Variants in NCOA2 observed in about 807,000 individuals in gnomAD.
The protein encoded by NCOA2 is nuclear receptor coactivator 2.
In NCOA2, 21 loss-of-function variants were observed where a neutral mutation model predicts 145.1. The ratio of observed to expected loss-of-function variants is 0.14; its 90% CI spans 0.10 to 0.21. The LOEUF (loss-of-function observed/expected upper bound fraction) is 0.21, where lower values mean the gene tolerates loss of function less well. Ranked by LOEUF, NCOA2 falls within the 10% of genes least tolerant of loss-of-function variation. NCOA2 has a pLI of 1.00. For synonymous variants in NCOA2, 619 were observed against 637.5 expected (o/e 0.97, Z 0.44); for missense variants, 1,472 against 1,837.6 (o/e 0.80, Z 3.64).
At chr8:70,341,650 A>C (rs1283257046) in intron 1 of NCOA2, among the ~76,000 whole-genome samples, 1 of 152,234 alleles carries the variant, frequency 6.6e-6, no homozygotes, top group African/African-American at 2.4e-5. Context: ...CAAAGGTAAC[A>C]AATATTACTC....
At chr8:70,179,755 G>A (rs553008127) in intron 4 of NCOA2, among the ~76,000 whole-genome samples, 29 of 152,154 alleles carry the variant, frequency 1.9e-4, no homozygotes, top group African/African-American at 5.5e-4. Flanking sequence ...TAGAAAGCTC[G>A]TCTCAGAGTT....
intron 22 of NCOA2, among the ~76,000 whole-genome samples, chr8:70,119,816 A>G (rs749891383): frequency 1.3e-5 from 2 of 151,656 alleles, no homozygotes; most frequent in African/African-American, 4.8e-5. Context: ...CATTTTTAAT[A>G]TAACTGCTGG....
At chr8:70,129,587 T>C (rs748743881) in intron 16 of NCOA2, among the ~76,000 whole-genome samples, 2 of 152,250 alleles carry the variant, frequency 1.3e-5, no homozygotes, top group Non-Finnish European at 2.9e-5. Flanking sequence ...TACTGCTTTC[T>C]GTGGCTGTCA....
rs1480410241 is a variant in NCOA2 at position 70,110,830 on chromosome 8, T to A, written c.*2802A>T. The A allele has an allele frequency of 4.5e-6, 1 of 224,114 alleles. No individual in the cohort carries two copies. Among genetic ancestry groups the A allele is most frequent in the East Asian group, 6.5e-5 (1 of 15,348 alleles). The allele number at this position is 224,114 out of a possible 1,614,324, so 13.9% of individuals were successfully genotyped here. A position where few individuals can be genotyped will look rare whatever the true frequency, so the allele number is the denominator to read the frequency against. ...CACTTTTTAAACTTACCACATTACA[T>A]GAACACTTAAAATGAGTTTTACAAC... On this transcript the variant is annotated 3_prime_UTR_variant, in exon 23 of 23. Coordinates refer to ENST00000452400, the MANE Select transcript of NCOA2 (RefSeq NM_006540.4).
intron 2 of NCOA2, chr8:70,245,156 T>A (rs1822503660): frequency 1.3e-5 from 2 of 152,134 alleles, no homozygotes; most frequent in South Asian, 2.1e-4. Context: ...CAGAGATAAA[T>A]CTCCTCTGTT....
intron 9 of NCOA2, 22 bp from the exon 10 acceptor site, chr8:70,159,674 G>A: frequency 1.3e-6 from 2 of 1,594,484 alleles, no homozygotes. Flanking sequence ...CAAGGAAACA[G>A]AAGGCACGTT....
At chr8:70,124,606 T>C (rs1797117789) in intron 20 of NCOA2, 82 bp downstream of exon 20, 1 of 1,351,342 alleles carries the variant, frequency 7.4e-7, no homozygotes, top group African/African-American at 1.5e-5. Context: ...AACAGAAAGC[T>C]CCTCGGGTGC....
the NCOA2 span, among the ~76,000 whole-genome samples, chr8:70,417,856 G>T: frequency 2.1e-3 from 321 of 152,204 alleles, 3 homozygotes; most frequent in East Asian, 0.044. Context: ...GTTTCCCCTG[G>T]CAATCAGAAT....
the NCOA2 span, among the ~76,000 whole-genome samples, chr8:70,425,063 G>A: frequency 5.3e-5 from 8 of 152,276 alleles, no homozygotes; most frequent in East Asian, 5.8e-4. Context: ...TAACATGTGC[G>A]GAAGGTAGGT....
At position 70,131,824 on chromosome 8, in the gene NCOA2, C is replaced by T. The variant is rs970197916; in HGVS notation, c.3324+13G>A. On this transcript the variant is annotated intron_variant, in intron 16 of 22. Transcript: ENST00000452400. ...GAGCGCTTGGCCCCCACCTGCTGCC[C>T]TTCCGCGCATACCTGGCTGACCAGT... 1 of 1,576,270 alleles carries T rather than the reference C, an allele frequency of 6.3e-7. No homozygotes were observed. The highest frequency in any genetic ancestry group is 1.8e-5 in the Admixed American group (1 of 54,476).
intron 2 of NCOA2, among the ~76,000 whole-genome samples, chr8:70,285,674 G>C (rs1469926333): frequency 1.3e-5 from 2 of 152,174 alleles, no homozygotes; most frequent in African/African-American, 4.8e-5. Context: ...TTACTACACC[G>C]TAAGATGTGG....
At chr8:70,221,925 C>T (rs1323087580) in intron 2 of NCOA2, among the ~76,000 whole-genome samples, 1 of 152,066 alleles carries the variant, frequency 6.6e-6, no homozygotes, top group East Asian at 1.9e-4. Context: ...AAAATTTTTA[C>T]CTAGTAAAAT....
At chr8:70,268,497 AT>A (rs1267561847) in intron 2 of NCOA2, among the ~76,000 whole-genome samples, 1 of 152,084 alleles carries the variant, frequency 6.6e-6, no homozygotes, top group Non-Finnish European at 1.5e-5. Context: ...TTATTTGACT[AT>A]TTTTCCCTTT....
Position 70,353,480 on chromosome 8 carries a change from G to T in NCOA2, c.-77+50220C>A, listed in dbSNP as rs1809423524. On this transcript the variant is annotated intron_variant, in intron 1 of 22. Coordinates refer to ENST00000452400, the MANE Select transcript of NCOA2 (RefSeq NM_006540.4). The stretch of plus-strand genomic sequence containing the variant: ...GTTTTTATCTGGTAAATCTTTTTTA[G>T]CATACTAGATGGAAAGACAGAAGAG... Among the ~76,000 whole-genome samples, 4 of 145,890 alleles carry T rather than the reference G, an allele frequency of 2.7e-5. No individual in the cohort carries two copies. In the Admixed American group the frequency reaches 2.8e-4, roughly 10 times the overall value.
At chr8:70,454,416 T>G in the NCOA2 span, among the ~76,000 whole-genome samples, 2 of 152,180 alleles carry the variant, frequency 1.3e-5, no homozygotes, top group African/African-American at 2.4e-5. Context: ...GACTGTAAAC[T>G]TTCCTTCTAA....
At chr8:70,170,495 G>T (rs886304297) in intron 5 of NCOA2, 116 bp from the exon 6 acceptor site, 5 of 863,186 alleles carry the variant, frequency 5.8e-6, no homozygotes, top group Non-Finnish European at 8.4e-6. Context: ...ATAGAAAAGA[G>T]ATCTTTCTCA....
intron 21 of NCOA2, among the ~76,000 whole-genome samples, chr8:70,122,173 C>T (rs1006342570): frequency 1.3e-5 from 2 of 152,110 alleles, no homozygotes; most frequent in African/African-American, 4.8e-5. Context: ...CATTAGTGGC[C>T]CATTTTTGCA....
chr8:70,362,082 A>C (rs1810254578), intron 1 of NCOA2, among the ~76,000 whole-genome samples: 1 of 152,212 alleles, frequency 6.6e-6, no homozygotes, highest in African/African-American at 2.4e-5. Context: ...AAGTCCGTTA[A>C]ACATTGGTGT....
chr8:70,269,117 T>C (rs1824842547), intron 2 of NCOA2, among the ~76,000 whole-genome samples: 1 of 152,198 alleles, frequency 6.6e-6, no homozygotes. Flanking sequence ...AAAAATGTAA[T>C]TTTTTAAAAT....
Sources: gnomAD v4.1 joint callset for allele counts (sites outside exome capture counted in the v4.1 genomes callset) on GRCh38, gnomAD v4.1.1 for gene constraint, MANE v1.5 for transcripts, NCBI Gene and HGNC (gene_info 2026-07-23, HGNC 2026-07-21) for gene names.